Variants in ACTN2 observed in about 807,000 individuals in gnomAD.
ACTN2 encodes alpha-actinin-2.
A neutral mutation model predicts 113.8 loss-of-function variants in ACTN2; 39 were observed. That is an observed-to-expected ratio of 0.34 (90% CI 0.27 to 0.45). The LOEUF is 0.45. Ranked by LOEUF, ACTN2 falls within the 20% of genes least tolerant of loss-of-function variation. The pLI, the probability that ACTN2 is intolerant of heterozygous loss-of-function variation, is 1.00. For synonymous variants in ACTN2, 429 were observed against 444.1 expected (o/e 0.97, Z 0.43); for missense variants, 992 against 1,177.9 (o/e 0.84, Z 2.31).
intron 1 of ACTN2, among the ~76,000 whole-genome samples, chr1:236,700,961 C>T (rs1275548142): frequency 1.3e-5 from 2 of 152,172 alleles, no homozygotes; most frequent in Admixed American, 6.5e-5. Flanking sequence ...AGGAGCAGCA[C>T]AGTAGCCGGT....
intron 10 of ACTN2, among the ~76,000 whole-genome samples, chr1:236,742,285 T>TGGGAACG (rs58919111): frequency 0.45 from 68,897 of 151,498 alleles, 18,700 homozygotes; most frequent in Non-Finnish European, 0.62. Flanking sequence ...GGAAGCTGCA[T>TGGGAACG]GGGAACTTTA....
chr1:236,705,051 A>C (rs2102874448), intron 1 of ACTN2, among the ~76,000 whole-genome samples: 1 of 152,312 alleles, frequency 6.6e-6, no homozygotes, highest in East Asian at 1.9e-4. Flanking sequence ...GCTCCAAGCC[A>C]GAAAGACAAG....
chr1:236,733,744 G>C (rs1658781691), intron 7 of ACTN2, among the ~76,000 whole-genome samples: 1 of 152,082 alleles, frequency 6.6e-6, no homozygotes, highest in Non-Finnish European at 1.5e-5. Context: ...GTAATGTCAG[G>C]TCCAGGTCTC....
Position 236,763,657 on chromosome 1 carries a change from G to C in ACTN2, c.*1038G>C, listed in dbSNP as rs1460049109. On this transcript the variant is annotated 3_prime_UTR_variant, in exon 21 of 21. Coordinates refer to ENST00000366578, the MANE Select transcript of ACTN2 (RefSeq NM_001103.4). Reference sequence around the variant, plus strand: ...GCAGTGGAGGTGAGTTCTTTCTTTTGCGGAAGCTTTACATATGTTTTGTGT... The same window carrying C: ...GCAGTGGAGGTGAGTTCTTTCTTTTCCGGAAGCTTTACATATGTTTTGTGT... The C allele has an allele frequency of 6.6e-6, 1 of 152,202 alleles. No individual in the cohort carries two copies. Among genetic ancestry groups the C allele is most frequent in the African/African-American group, 2.4e-5 (1 of 41,428 alleles). 9.4% of individuals were successfully genotyped at this position (152,202 alleles called of 1,614,324 possible).
At chr1:236,713,239 T>TC (rs1658096931) in intron 1 of ACTN2, among the ~76,000 whole-genome samples, 1 of 150,510 alleles carries the variant, frequency 6.6e-6, no homozygotes, top group African/African-American at 2.4e-5. Flanking sequence ...TTTTTTTTTT[T>TC]CTTTTGAGAC....
chr1:236,715,829 A>G (rs931028969), intron 1 of ACTN2, among the ~76,000 whole-genome samples: 1 of 152,156 alleles, frequency 6.6e-6, no homozygotes, highest in Admixed American at 6.6e-5. Flanking sequence ...GGTGGCAGGC[A>G]CCTGTATTCC....
At chr1:236,748,100 T>C in intron 13 of ACTN2, 1 of 335,330 alleles carries the variant, frequency 3.0e-6, no homozygotes, top group Non-Finnish European at 5.7e-6. Flanking sequence ...GAGCTGTGAG[T>C]GAGTCGGGAA....
intron 1 of ACTN2, among the ~76,000 whole-genome samples, chr1:236,698,370 G>A (rs1657580678): frequency 6.6e-6 from 1 of 152,076 alleles, no homozygotes; most frequent in Non-Finnish European, 1.5e-5. Flanking sequence ...GATGTTTTGG[G>A]TGTCAGAAAG....
Position 236,747,996 on chromosome 1 carries a change from T to A in ACTN2, c.1515+221T>A, listed in dbSNP as rs74890470. The A allele has an allele frequency of 0.013, 6,498 of 517,062 alleles. 70 individuals are homozygous for A. Among genetic ancestry groups the A allele is most frequent in the Non-Finnish European group, 0.018 (5,032 of 287,240 alleles). 32.0% of individuals were successfully genotyped at this position (517,062 alleles called of 1,614,324 possible). On this transcript the variant is annotated intron_variant, in intron 13 of 20. Transcript: ENST00000366578. ...AGCAGCGAAGTATATTTTTCAATTTTAAAAAATCCAGGGGTGATGAGATTA... is the reference window on the plus strand; with the variant it reads ...AGCAGCGAAGTATATTTTTCAATTTAAAAAAATCCAGGGGTGATGAGATTA...
chr1:236,720,054 A>C (rs1406782683), intron 3 of ACTN2, 51 bp from the exon 4 acceptor site: 1 of 1,290,428 alleles, frequency 7.7e-7, no homozygotes, highest in Non-Finnish European at 1.1e-6. Flanking sequence ...GAAAAAAGTT[A>C]CGTACAGACT....
chr1:236,717,702 A>G (rs1658262780), intron 1 of ACTN2, among the ~76,000 whole-genome samples, 156 bp from the exon 2 acceptor site: 1 of 152,170 alleles, frequency 6.6e-6, no homozygotes, highest in African/African-American at 2.4e-5. Context: ...TTGGGTTTCC[A>G]GTTCTTCTTT....
At chr1:236,707,839 G>A (rs754754369) in intron 1 of ACTN2, among the ~76,000 whole-genome samples, 8 of 150,248 alleles carry the variant, frequency 5.3e-5, no homozygotes, top group Non-Finnish European at 1.2e-4. Context: ...AGCCTCCCAA[G>A]TAGCTGGGAC....
At position 236,720,184 on chromosome 1, in the gene ACTN2, G is replaced by T. The variant is rs150182164; in HGVS notation, c.441G>T (p.Ser147=). The T allele has an allele frequency of 6.2e-7, 1 of 1,612,532 alleles. No homozygotes were observed. Among genetic ancestry groups the T allele is most frequent in the South Asian group, 1.1e-5 (1 of 91,046 alleles). ...TTCGCTTTGCTATTCAGGATATTTC[G>T]GTTGAAGGTAAAAGACATGGTTAAA... is the stretch of plus-strand genomic sequence containing the variant. ...IILRFAIQDI[S]VEETSAKEGL... Residue 147 remains serine, a synonymous_variant, in exon 4 of 21, where the codon TCG becomes TCT. Transcript: ENST00000366578.
intron 1 of ACTN2, among the ~76,000 whole-genome samples, chr1:236,707,288 C>T (rs697658): frequency 0.052 from 7,920 of 152,298 alleles, 246 homozygotes; most frequent in East Asian, 0.091. Context: ...GAAGAATTGG[C>T]AGGGTTCTGG....
chr1:236,697,724 G>A (rs985800404), intron 1 of ACTN2, among the ~76,000 whole-genome samples: 1 of 150,658 alleles, frequency 6.6e-6, no homozygotes, highest in Non-Finnish European at 1.5e-5. Flanking sequence ...CTTTGGTGCT[G>A]TGGAATGCAA....
intron 10 of ACTN2, among the ~76,000 whole-genome samples, chr1:236,742,260 T>C (rs1051029120): frequency 7.0e-6 from 1 of 142,034 alleles, no homozygotes; most frequent in African/African-American, 2.4e-5. Context: ...ACTGTCTCTC[T>C]CCCCCAACCA....
Position 236,754,164 on chromosome 1 carries a change from GT to G in ACTN2, c.1974+84del. 1 of 1,574,526 alleles carries G rather than the reference GT, an allele frequency of 6.4e-7. No homozygotes were observed. Among genetic ancestry groups the G allele is most frequent in the South Asian group, 1.1e-5 (1 of 90,130 alleles). ...ACGCAGCAGTGACACCGCACATGCT[GT>G]GGTTTCCAGCCACCCACTCAGTCAG... On this transcript the variant is annotated intron_variant, in intron 16 of 20. Transcript: ENST00000366578. This position sits in a 1 kb window ranked among gnomAD's most constrained non-coding sequence, Gnocchi z 4.9.
At chr1:236,730,271 CT>C (rs11410238) in intron 6 of ACTN2, among the ~76,000 whole-genome samples, 12,201 of 146,766 alleles carry the variant, frequency 0.083, 543 homozygotes, top group Admixed American at 0.14. Context: ...TAGTTAAACA[CT>C]TTTTTTTTTT....
intron 1 of ACTN2, among the ~76,000 whole-genome samples, chr1:236,712,327 G>A (rs2102884806): frequency 6.6e-6 from 1 of 152,274 alleles, no homozygotes; most frequent in Non-Finnish European, 1.5e-5. Flanking sequence ...TTTTCAGAGG[G>A]CACTGGGCTC....
Sources: allele counts gnomAD v4.1 joint callset (sites outside exome capture counted in the v4.1 genomes callset), GRCh38; gene constraint gnomAD v4.1.1; non-coding constraint Gnocchi (gnomAD v3.1); transcripts MANE v1.5; gene names NCBI Gene and HGNC (gene_info 2026-07-23, HGNC 2026-07-21).